The following TPRA1 variants were observed in gnomAD, a reference collection of about 807,000 sequenced individuals.
TPRA1 encodes the protein transmembrane protein adipocyte associated 1, also known as transmembrane protein adipocyte-associated 1.
A neutral mutation model predicts 40.1 loss-of-function variants in TPRA1; 28 were observed. That is an observed-to-expected ratio of 0.70 (90% CI 0.52 to 0.96). TPRA1 has a LOEUF of 0.96. Among genes scored for constraint, TPRA1 ranks in the 40% least tolerant of loss-of-function variants. TPRA1 has a pLI of 0.00. For missense variants in TPRA1, 441 were observed against 482.6 expected, an observed-to-expected ratio of 0.91 and a Z score of 0.81; for synonymous variants, 219 against 209.7, an observed-to-expected ratio of 1.04 and a Z score of -0.38.
chr3:127,576,896 G>A lies in TPRA1; in HGVS notation c.346-3C>T. 6.2e-7 allele frequency: 1 copy of A among 1,613,796 alleles called. No individual in the cohort carries two copies. Among genetic ancestry groups the A allele is most frequent in the Non-Finnish European group, 8.5e-7 (1 of 1,180,020 alleles). On this transcript the variant is annotated splice_region_variant and splice_polypyrimidine_tract_variant and intron_variant, in intron 4 of 10. Transcript: ENST00000355552. The surrounding 1 kb of genome is among the most constrained non-coding windows in gnomAD (Gnocchi z 4.6). Reference sequence around the variant, plus strand: ...AAGCGGGTGATCTCCCACAGGATCTGCACGCAGAGTGGGCACAGCGTCAGC... The same window carrying A: ...AAGCGGGTGATCTCCCACAGGATCTACACGCAGAGTGGGCACAGCGTCAGC...
chr3:127,584,071 C>G (rs1366320267), intron 1 of TPRA1, among the ~76,000 whole-genome samples: 1 of 151,794 alleles, frequency 6.6e-6, no homozygotes, highest in Non-Finnish European at 1.5e-5. Context: ...CAGACAAGGC[C>G]CTGCCCTCAC....
At chr3:127,584,425 G>C (rs1225142831) in intron 1 of TPRA1, among the ~76,000 whole-genome samples, 2 of 118,646 alleles carry the variant, frequency 1.7e-5, no homozygotes, top group Non-Finnish European at 3.2e-5. Context: ...CTCCAGGCTG[G>C]GCCACAGAGT....
intron 3 of TPRA1, 84 bp downstream of exon 3, chr3:127,579,656 C>T: frequency 5.4e-6 from 8 of 1,481,024 alleles, no homozygotes; most frequent in Non-Finnish European, 7.4e-6. Flanking sequence ...ATACCTGAAG[C>T]TTATTTTCAT....
chr3:127,575,604 C>T lies in TPRA1; in HGVS notation c.671-99G>A. ...CTCAAGCCTGGTGTGTCCCCCGGGGCCCCTCTAGGCCTCCCTCTCACCCAG... is the reference window on the plus strand; with the variant it reads ...CTCAAGCCTGGTGTGTCCCCCGGGGTCCCTCTAGGCCTCCCTCTCACCCAG... On this transcript the variant is annotated intron_variant, in intron 8 of 10. Coordinates refer to ENST00000355552, the MANE Select transcript of TPRA1 (RefSeq NM_001136053.4). 4.9e-6 allele frequency: 7 copies of T among 1,440,690 alleles called. No individual in the cohort carries two copies. In the South Asian group the frequency reaches 7.6e-5, roughly 16 times the overall value. 89.2% of individuals were successfully genotyped at this position (1,440,690 alleles called of 1,614,324 possible).
chr3:127,597,756 T>C (rs2074259850), intron 1 of TPRA1, among the ~76,000 whole-genome samples: 1 of 152,124 alleles, frequency 6.6e-6, no homozygotes, highest in Non-Finnish European at 1.5e-5. Context: ...AGTTAAACCA[T>C]TGTGCTCCTA....
chr3:127,585,860 G>A (rs940008707), intron 1 of TPRA1, among the ~76,000 whole-genome samples: 3 of 152,180 alleles, frequency 2.0e-5, no homozygotes, highest in African/African-American at 7.2e-5. Flanking sequence ...TGGTCTCTGG[G>A]GTGGAGCCGG....
Position 127,579,758 on chromosome 3 carries a change from A to G in TPRA1, c.240T>C (p.Phe80=), listed in dbSNP as rs1459131254. The change falls in exon 3 of 11, where the codon TTT becomes TTC. Residue 80 remains phenylalanine (F), a synonymous_variant. Transcript: ENST00000355552. ...AACTCACCAGGATGTAGAAGGTGAT[A>G]AAAATGGGGCTGGAGGTGATGCGGA... ...AKIRITSSPI[F]ITFYILVFVV... 8 of 1,614,158 alleles carry G rather than the reference A, an allele frequency of 5.0e-6. No homozygotes were observed. The highest frequency in any genetic ancestry group is 5.9e-6 in the Non-Finnish European group (7 of 1,180,012).
intron 1 of TPRA1, among the ~76,000 whole-genome samples, chr3:127,583,406 GA>G (rs2073894384): frequency 6.6e-6 from 1 of 152,156 alleles, no homozygotes; most frequent in South Asian, 2.1e-4. Context: ...GCTGAGGTGG[GA>G]GTATGGCTTG....
intron 2 of TPRA1, 67 bp from the exon 3 acceptor site, chr3:127,579,939 A>C: frequency 1.9e-6 from 3 of 1,608,884 alleles, no homozygotes. Flanking sequence ...CCAAGACACA[A>C]TCTGCCCCAC....
At chr3:127,578,985 G>A (rs1344652606) in intron 3 of TPRA1, among the ~76,000 whole-genome samples, 2 of 152,020 alleles carry the variant, frequency 1.3e-5, no homozygotes, top group Admixed American at 1.3e-4. Context: ...GCCTACACCT[G>A]GAGAGCCCAC....
exon 1 of TPRA1, chr3:127,598,149 A>T (rs2074266531): frequency 2.1e-6 from 1 of 472,468 alleles, no homozygotes; most frequent in African/African-American, 2.1e-5. Flanking sequence ...GACCGAGGTC[A>T]CGCAGCCAGC....
rs948490377 is a variant in TPRA1, at chr3:127,579,861, C to T, written c.137G>A (p.Trp46Ter). The change falls in exon 3 of 11, where the codon TGG (tryptophan) becomes TAG (stop). Residue 46 changes from tryptophan (W) to a stop codon, truncating the protein, a stop_gained. Coordinates refer to ENST00000355552, the MANE Select transcript of TPRA1 (RefSeq NM_001136053.4). LOFTEE classifies it high-confidence loss of function. ...ATTGGGGATGAGCAGCAAGAGGTCC[C>T]AGTACCGGACCCTGGCGGATGGGCA... ...EDIGTSRVRY[W>*]DLLLLIPNVL... 6.2e-7 allele frequency: 1 copy of T among 1,613,778 alleles called. No individual in the cohort carries two copies. Among genetic ancestry groups the T allele is most frequent in the Non-Finnish European group, 8.5e-7 (1 of 1,180,022 alleles).
rs2073378460 is a variant in TPRA1, at chr3:127,571,636, G to A, written c.*1885C>T. On this transcript the variant is annotated 3_prime_UTR_variant, in exon 11 of 11. Coordinates refer to ENST00000355552, the MANE Select transcript of TPRA1 (RefSeq NM_001136053.4). ...CTACAGGACATTAGCATTACAGAAA[G>A]AGGGATGATATACACATCCGTTGGT... 3 of 152,206 alleles carry A rather than the reference G, an allele frequency of 2.0e-5. No homozygotes were observed. Among genetic ancestry groups the A allele is most frequent in the Admixed American group, 2.0e-4 (3 of 15,280 alleles). 9.4% of individuals were successfully genotyped at this position (152,206 alleles called of 1,614,324 possible).
At position 127,571,673 on chromosome 3, in the gene TPRA1, A is replaced by T. The variant is rs2073379950; in HGVS notation, c.*1848T>A. 6.6e-6 allele frequency: 1 copy of T among 152,186 alleles called. No homozygotes were observed. The highest frequency in any genetic ancestry group is 1.5e-5 in the Non-Finnish European group (1 of 68,024). The allele number at this position is 152,186 out of a possible 1,614,324, so 9.4% of individuals were successfully genotyped here. ...ACACATCCGTTGGTGTGAACACAGG[A>T]TGGCTCTGGAAGGTTATGGAGACCC... On this transcript the variant is annotated 3_prime_UTR_variant, in exon 11 of 11. Transcript: ENST00000355552.
intron 1 of TPRA1, among the ~76,000 whole-genome samples, chr3:127,581,641 G>A (rs574040269): frequency 2.6e-5 from 4 of 152,134 alleles, no homozygotes; most frequent in African/African-American, 9.6e-5. Context: ...GGCCGGGCGC[G>A]GTGGCTCATG....
chr3:127,573,866 C>G, intron 10 of TPRA1, 78 bp from the exon 11 acceptor site: 1 of 1,483,608 alleles, frequency 6.7e-7, no homozygotes, highest in Admixed American at 2.4e-5. Context: ...CTGATGGGGC[C>G]ACCAGATAAG....
At position 127,580,094 on chromosome 3, in the gene TPRA1, G is replaced by C; in HGVS notation, c.53C>G (p.Pro18Arg). 2 of 1,613,818 alleles carry C rather than the reference G, an allele frequency of 1.2e-6. No homozygotes were observed. Among genetic ancestry groups the C allele is most frequent in the South Asian group, 2.2e-5 (2 of 91,084 alleles). The change falls in exon 2 of 11, where the codon CCA becomes CGA. Residue 18 changes from proline (P) to arginine (R), a missense_variant. Pro to Arg is a moderately radical substitution (Grantham distance 103, BLOSUM62 -2). Transcript: ENST00000355552. ...TWANGSTALP[P>R]PLAPNISVPH... ...CACACTGATGTTTGGTGCCAGGGGTGGGGGTAGCGCTGTGCTCCCATTGGC... is the reference window on the plus strand; with the variant it reads ...CACACTGATGTTTGGTGCCAGGGGTCGGGGTAGCGCTGTGCTCCCATTGGC...
intron 1 of TPRA1, among the ~76,000 whole-genome samples, chr3:127,597,304 C>T (rs1298338253): frequency 6.6e-6 from 1 of 152,212 alleles, no homozygotes; most frequent in Admixed American, 6.5e-5. Flanking sequence ...ACCACAGCAA[C>T]CTCCTCGTTT....
chr3:127,572,295 C>G lies in TPRA1; in HGVS notation c.*1226G>C, dbSNP rs964273420. Among the ~76,000 whole-genome samples, 3 of 152,248 alleles carry G rather than the reference C, an allele frequency of 2.0e-5. No individual in the cohort carries two copies. Among genetic ancestry groups the G allele is most frequent in the African/African-American group, 7.2e-5 (3 of 41,470 alleles). On this transcript the variant is annotated 3_prime_UTR_variant, in exon 11 of 11. Coordinates refer to ENST00000355552, the MANE Select transcript of TPRA1 (RefSeq NM_001136053.4). ...ATCCTCAGGGTCCCCACAGCCAGGG[C>G]TGAGACCTCCCCAGGCTCTGAAGCA...
Sources: gnomAD v4.1 joint callset for allele counts (sites outside exome capture counted in the v4.1 genomes callset) on GRCh38, gnomAD v4.1.1 for gene constraint, Gnocchi (gnomAD v3.1) non-coding constraint, MANE v1.5 for transcripts, NCBI Gene and HGNC (gene_info 2026-07-23, HGNC 2026-07-21) for gene names.